Variants in DDX19B observed in about 807,000 individuals in gnomAD.
The protein encoded by DDX19B is DEAD-box helicase 19B.
In DDX19B, 27 loss-of-function variants were observed where a neutral mutation model predicts 58.1. The ratio of observed to expected loss-of-function variants is 0.46; its 90% confidence interval spans 0.34 to 0.64. DDX19B has a LOEUF of 0.64. Ranked by LOEUF, DDX19B falls within the 30% of genes least tolerant of loss-of-function variation. The pLI is 0.01. For missense variants in DDX19B, 399 were observed against 596.5 expected, an observed-to-expected ratio of 0.67 and a Z score of 3.45; for synonymous variants, 187 against 214.4, an observed-to-expected ratio of 0.87 and a Z score of 1.12.
At chr16:70,300,184 A>T (rs1369526131) in intron 1 of DDX19B, among the ~76,000 whole-genome samples, 2 of 150,572 alleles carry the variant, frequency 1.3e-5, no homozygotes, top group Non-Finnish European at 2.9e-5. Flanking sequence ...GTTCCCGCCA[A>T]TTTTTTTCCT....
Position 70,324,576 on chromosome 16 carries a change from C to G in DDX19B, c.390-9C>G. On this transcript the variant is annotated splice_polypyrimidine_tract_variant and intron_variant, in intron 5 of 11. Coordinates refer to ENST00000288071, the MANE Select transcript of DDX19B (RefSeq NM_007242.7). ...ATTTAAGCTCCTAACTAGTTTGTTTCTTGCGCAGCCCACAGAACTTAATTG... is the reference window on the plus strand; with the variant it reads ...ATTTAAGCTCCTAACTAGTTTGTTTGTTGCGCAGCCCACAGAACTTAATTG... 3.1e-6 allele frequency: 5 copies of G among 1,610,168 alleles called. No homozygotes were observed. The highest frequency in any genetic ancestry group is 4.2e-6 in the Non-Finnish European group (5 of 1,179,000).
At chr16:70,310,926 G>A (rs957781214) in intron 1 of DDX19B, among the ~76,000 whole-genome samples, 16 of 151,598 alleles carry the variant, frequency 1.1e-4, no homozygotes, top group African/African-American at 3.9e-4. Context: ...AGCTACTCCG[G>A]AGGCTGAGGC....
intron 1 of DDX19B, among the ~76,000 whole-genome samples, chr16:70,301,363 T>A (rs1280785954): frequency 6.6e-6 from 1 of 152,208 alleles, no homozygotes; most frequent in African/African-American, 2.4e-5. Flanking sequence ...ATTTTAAATG[T>A]ATTGTTCCAT....
At chr16:70,300,081 G>A (rs1237370471) in intron 1 of DDX19B, among the ~76,000 whole-genome samples, 1 of 151,920 alleles carries the variant, frequency 6.6e-6, no homozygotes, top group Non-Finnish European at 1.5e-5. Flanking sequence ...ACTTCCTCAA[G>A]AATAAGAACC....
chr16:70,299,385 G>C (rs750008219), intron 1 of DDX19B, 31 bp downstream of exon 1: 1 of 1,587,164 alleles, frequency 6.3e-7, no homozygotes, highest in African/African-American at 1.3e-5. Flanking sequence ...AAAGGGTCAG[G>C]GGACTAGTTC....
chr16:70,318,261 C>A (rs1474434081), intron 5 of DDX19B, among the ~76,000 whole-genome samples: 1 of 150,530 alleles, frequency 6.6e-6, no homozygotes, highest in East Asian at 2.0e-4. Context: ...GTAGTCCCAG[C>A]TACTCGGGAA....
Position 70,316,063 on chromosome 16 carries a change from C to G in DDX19B, c.255C>G (p.Asn85Lys), listed in dbSNP as rs781720740. ...NQVEVLQRDP[N>K]SPLYSVKSFE... is the part of the protein sequence containing the mutation. ...TGGAAGTCCTGCAGCGGGATCCAAACTCCCCTCTGTACTCGGTGAAGTCTT... is the reference window on the plus strand; with the variant it reads ...TGGAAGTCCTGCAGCGGGATCCAAAGTCCCCTCTGTACTCGGTGAAGTCTT... The change falls in exon 4 of 12, where the codon AAC (asparagine) becomes AAG (lysine). Residue 85 changes from asparagine to lysine, a missense_variant. Physicochemically the swap from Asn to Lys is moderately conservative, Grantham distance 94. Transcript: ENST00000288071. 8.7e-6 allele frequency: 14 copies of G among 1,614,022 alleles called. No homozygotes were observed. Among genetic ancestry groups the G allele is most frequent in the Non-Finnish European group, 1.2e-5 (14 of 1,180,054 alleles).
intron 9 of DDX19B, among the ~76,000 whole-genome samples, chr16:70,331,324 G>A (rs903412817): frequency 2.0e-5 from 3 of 152,034 alleles, no homozygotes; most frequent in African/African-American, 4.8e-5. Flanking sequence ...TAAGACTACA[G>A]GCACGAGCCA....
intron 1 of DDX19B, among the ~76,000 whole-genome samples, chr16:70,303,713 C>T (rs538007842): frequency 8.2e-4 from 124 of 151,852 alleles, no homozygotes; most frequent in African/African-American, 2.9e-3. Context: ...CCCACCACCA[C>T]GCCAGGCTAA....
upstream of DDX19B, among the ~76,000 whole-genome samples, chr16:70,292,141 G>C (rs1470828993): frequency 6.6e-6 from 1 of 152,088 alleles, no homozygotes; most frequent in African/African-American, 2.4e-5. Context: ...AACAAAGCAA[G>C]ACCCTTGTCT....
At chr16:70,304,991 GT>G (rs1180112162) in intron 1 of DDX19B, among the ~76,000 whole-genome samples, 2 of 152,012 alleles carry the variant, frequency 1.3e-5, no homozygotes, top group African/African-American at 4.8e-5. Context: ...TGTGAGGCGT[GT>G]TTTATCCATA....
intron 2 of DDX19B, 106 bp from the exon 3 acceptor site, chr16:70,314,796 G>T (rs1597478288): frequency 8.6e-7 from 1 of 1,167,806 alleles, no homozygotes; most frequent in Non-Finnish European, 1.3e-6. Context: ...TTTATTTTTT[G>T]CTCCCCAGGC....
chr16:70,305,053 C>A (rs1961686250), intron 1 of DDX19B, among the ~76,000 whole-genome samples: 2 of 152,110 alleles, frequency 1.3e-5, no homozygotes, highest in Non-Finnish European at 2.9e-5. Flanking sequence ...TGTCTGTAAT[C>A]CTTGCTTGGC....
At chr16:70,305,230 C>T (rs1392323450) in intron 1 of DDX19B, among the ~76,000 whole-genome samples, 1 of 152,202 alleles carries the variant, frequency 6.6e-6, no homozygotes, top group African/African-American at 2.4e-5. Context: ...ATCCTCTAAA[C>T]TCCTGCCTAG....
At chr16:70,292,128 G>A (rs1001902657), upstream of DDX19B, among the ~76,000 whole-genome samples, 1 of 152,124 alleles carries the variant, frequency 6.6e-6, no homozygotes, top group Non-Finnish European at 1.5e-5. Flanking sequence ...CTCCAGCCTG[G>A]GCAACAAAGC....
chr16:70,292,871 C>G (rs554179482), upstream of DDX19B, among the ~76,000 whole-genome samples: 3 of 151,918 alleles, frequency 2.0e-5, no homozygotes, highest in South Asian at 6.3e-4. Context: ...TTTGGGAGGC[C>G]GAGGCGGGCA....
chr16:70,312,524 G>T (rs1597475445), intron 1 of DDX19B, 85 bp from the exon 2 acceptor site: 1 of 1,212,682 alleles, frequency 8.2e-7, no homozygotes, highest in Non-Finnish European at 1.2e-6. Flanking sequence ...TTTATCCCCA[G>T]CTTCATTAGG....
chr16:70,309,278 G>A (rs1377704337), intron 1 of DDX19B, among the ~76,000 whole-genome samples: 4 of 151,910 alleles, frequency 2.6e-5, no homozygotes, highest in South Asian at 2.1e-4. Flanking sequence ...GGCAGATCAC[G>A]AGGTCAGGAG....
intron 10 of DDX19B, 56 bp from the exon 11 acceptor site, chr16:70,332,912 T>C: frequency 6.2e-7 from 1 of 1,614,142 alleles, no homozygotes; most frequent in South Asian, 1.1e-5. Context: ...ATGGACCACA[T>C]GACTGATTTG....
Sources: allele counts gnomAD v4.1 joint callset (sites outside exome capture counted in the v4.1 genomes callset), GRCh38; gene constraint gnomAD v4.1.1; transcripts MANE v1.5; gene names NCBI Gene and HGNC (gene_info 2026-07-23, HGNC 2026-07-21).